Variants in SUPT3H observed in about 807,000 individuals in gnomAD.
SUPT3H encodes SPT3 homolog, SAGA and STAGA complex component.
A neutral mutation model predicts 44.3 loss-of-function variants in SUPT3H; 44 were observed. That is an observed-to-expected ratio of 0.99 (90% CI 0.78 to 1.28). SUPT3H has a LOEUF of 1.28. Among genes scored for constraint, SUPT3H ranks in the 50% most tolerant of loss-of-function variants. The pLI is 0.00. For synonymous variants in SUPT3H, 124 were observed against 125.6 expected (o/e 0.99, Z 0.09); for missense variants, 380 against 387.1 (o/e 0.98, Z 0.15).
intron 10 of SUPT3H, among the ~76,000 whole-genome samples, chr6:44,926,402 G>A: frequency 6.6e-6 from 1 of 151,868 alleles, no homozygotes; most frequent in Non-Finnish European, 1.5e-5. Context: ...GATAAATGGA[G>A]AACTGGGAAA....
chr6:45,154,072 G>GAAAAAAAAAAAAAAAAAAAAAA (rs796547480), intron 2 of SUPT3H, among the ~76,000 whole-genome samples: 1 of 17,964 alleles, frequency 5.6e-5, no homozygotes. Context: ...TCTGTCTCAA[G>GAAAAAAAAAAAAAAAAAAAAAA]AAAAAAAAAA....
chr6:44,969,462 T>C (rs912393119), intron 6 of SUPT3H, among the ~76,000 whole-genome samples: 1 of 151,952 alleles, frequency 6.6e-6, no homozygotes, highest in Non-Finnish European at 1.5e-5. Context: ...AGTAAAGAAA[T>C]CTTCTTTCCT....
At chr6:44,991,937 C>T (rs1014699552) in intron 6 of SUPT3H, among the ~76,000 whole-genome samples, 3 of 152,056 alleles carry the variant, frequency 2.0e-5, no homozygotes, top group African/African-American at 7.2e-5. Context: ...AAATAAAGGC[C>T]AAACTATGTA....
At chr6:45,068,977 CAA>C (rs367995110) in intron 3 of SUPT3H, among the ~76,000 whole-genome samples, 4 of 111,116 alleles carry the variant, frequency 3.6e-5, no homozygotes, top group Non-Finnish European at 5.8e-5. Context: ...TTTTACTTTG[CAA>C]AAAAAAAAAA....
intron 6 of SUPT3H, among the ~76,000 whole-genome samples, chr6:44,982,010 C>G (rs1779158987): frequency 1.3e-5 from 2 of 152,060 alleles, no homozygotes; most frequent in Admixed American, 1.3e-4. Context: ...TATTGTGCTC[C>G]AGCCTGGTCA....
chr6:45,218,691 G>C (rs1337453966), intron 2 of SUPT3H, among the ~76,000 whole-genome samples: 1 of 152,184 alleles, frequency 6.6e-6, no homozygotes, highest in Admixed American at 6.5e-5. Context: ...CTGAGATCAC[G>C]CCATTGCATT....
At chr6:45,016,344 T>A (rs188264192) in intron 4 of SUPT3H, among the ~76,000 whole-genome samples, 76 of 151,994 alleles carry the variant, frequency 5.0e-4, no homozygotes, top group South Asian at 8.3e-4. Flanking sequence ...TTATTTATTT[T>A]TTTATTTTAT....
At chr6:45,001,745 T>A (rs1225735986) in intron 6 of SUPT3H, among the ~76,000 whole-genome samples, 1 of 152,092 alleles carries the variant, frequency 6.6e-6, no homozygotes, top group African/African-American at 2.4e-5. Flanking sequence ...TGGAGGAAAG[T>A]TAAGTCATTG....
intron 6 of SUPT3H, among the ~76,000 whole-genome samples, chr6:44,969,147 C>T (rs1163911594): frequency 1.3e-5 from 2 of 152,160 alleles, no homozygotes; most frequent in African/African-American, 2.4e-5. Flanking sequence ...ATACCCCTTC[C>T]TGCACTTTCC....
intron 3 of SUPT3H, among the ~76,000 whole-genome samples, chr6:45,066,053 A>C (rs1793243872): frequency 7.3e-6 from 1 of 136,582 alleles, no homozygotes; most frequent in Non-Finnish European, 1.6e-5. Flanking sequence ...TTGATGCAAA[A>C]ATCCTCAATA....
At chr6:44,821,088 C>G (rs1479642517) in intron 11 of SUPT3H, among the ~76,000 whole-genome samples, 2 of 152,154 alleles carry the variant, frequency 1.3e-5, no homozygotes, top group Non-Finnish European at 2.9e-5. Flanking sequence ...TCGCCTCAAG[C>G]AATCCTCCCA....
At chr6:45,209,357 T>C (rs918705899) in intron 2 of SUPT3H, among the ~76,000 whole-genome samples, 1 of 152,086 alleles carries the variant, frequency 6.6e-6, no homozygotes, top group Non-Finnish European at 1.5e-5. Context: ...CCATTCTAGA[T>C]GCCACTAAGA....
intron 2 of SUPT3H, among the ~76,000 whole-genome samples, chr6:45,149,016 T>C (rs1210208312): frequency 3.3e-5 from 5 of 152,334 alleles, no homozygotes; most frequent in Admixed American, 2.0e-4. Context: ...CCCAAACTTT[T>C]AGTACACAAT....
chr6:45,036,429 G>C (rs1187875359), intron 3 of SUPT3H, among the ~76,000 whole-genome samples: 1 of 152,074 alleles, frequency 6.6e-6, no homozygotes, highest in Non-Finnish European at 1.5e-5. Context: ...TAGCCAAGGT[G>C]GGGTGGGGGA....
intron 2 of SUPT3H, among the ~76,000 whole-genome samples, chr6:45,176,098 T>C (rs140892146): frequency 0.12 from 17,874 of 152,014 alleles, 1,218 homozygotes; most frequent in African/African-American, 0.19. Context: ...GGAACAGCTC[T>C]GGTCTACAGC....
intron 3 of SUPT3H, among the ~76,000 whole-genome samples, chr6:45,086,655 T>G (rs1796509800): frequency 6.6e-6 from 1 of 151,922 alleles, no homozygotes; most frequent in African/African-American, 2.4e-5. Context: ...TCTCTAAAAC[T>G]CTAGGCTTCT....
chr6:44,913,191 T>A (rs1303761573), intron 10 of SUPT3H, among the ~76,000 whole-genome samples: 1 of 152,178 alleles, frequency 6.6e-6, no homozygotes, highest in African/African-American at 2.4e-5. Flanking sequence ...AGAATCATCA[T>A]CCTTCCAGTT....
chr6:44,990,698 CT>C (rs1162875913), intron 6 of SUPT3H, among the ~76,000 whole-genome samples: 1 of 152,130 alleles, frequency 6.6e-6, no homozygotes, highest in Non-Finnish European at 1.5e-5. Context: ...ATTCATCTCT[CT>C]CTTTTTCTTC....
intron 2 of SUPT3H, among the ~76,000 whole-genome samples, chr6:45,181,151 C>A (rs1027960952): frequency 7.2e-6 from 1 of 138,212 alleles, no homozygotes; most frequent in African/African-American, 2.8e-5. Flanking sequence ...AAATGCAAAT[C>A]AAAACCACAA....
Sources: allele counts gnomAD v4.1 joint callset (sites outside exome capture counted in the v4.1 genomes callset), GRCh38; gene constraint gnomAD v4.1.1; transcripts MANE v1.5; gene names NCBI Gene and HGNC (gene_info 2026-07-23, HGNC 2026-07-21).